Variants in PCDHA3 observed in about 807,000 individuals in gnomAD.
The protein encoded by PCDHA3 is protocadherin alpha 3, also known as protocadherin alpha-3.
A neutral mutation model predicts 62.2 loss-of-function variants in PCDHA3; 41 were observed. The observed-to-expected ratio is 0.66, with a 90% CI of 0.51 to 0.86. The LOEUF (loss-of-function observed/expected upper bound fraction) is 0.86, where lower values mean the gene tolerates loss of function less well. Among genes scored for constraint, PCDHA3 ranks in the 40% least tolerant of loss-of-function variants. PCDHA3 has a pLI of 0.00. For missense variants in PCDHA3, 1,304 were observed against 1,241.2 expected (o/e 1.05, Z -0.76); for synonymous variants, 640 against 555.4 (o/e 1.15, Z -2.14).
At chr5:141,004,679 TG>T in intron 3 of PCDHA3, among the ~76,000 whole-genome samples, 1 of 152,160 alleles carries the variant, frequency 6.6e-6, no homozygotes, top group South Asian at 2.1e-4. Context: ...GACTGTGGAG[TG>T]GTGCTGAAAC....
At chr5:140,807,859 C>T in intron 1 of PCDHA3, 1 of 1,614,158 alleles carries the variant, frequency 6.2e-7, no homozygotes, top group Non-Finnish European at 8.5e-7. Context: ...AGTTGACTGG[C>T]ACCGTTCAGT....
chr5:140,922,564 A>G (rs556829032), intron 1 of PCDHA3, among the ~76,000 whole-genome samples: 1 of 152,358 alleles, frequency 6.6e-6, no homozygotes, highest in South Asian at 2.1e-4. Context: ...AGTCAGGATG[A>G]CAAGTTGCCC....
rs782448071 is a variant in PCDHA3 at position 140,858,265 on chromosome 5, C to T, written c.2394+54674C>T. The T allele has an allele frequency of 4.1e-5, 66 of 1,597,068 alleles. 7 individuals carry two copies. Among genetic ancestry groups the T allele is most frequent in the Non-Finnish European group, 5.4e-5 (63 of 1,166,972 alleles). ...GGCCGGTGAAGCCCACGCTGGTGTG[C>T]TCTAGCGCGGTGGGGAGCTGGTCTT... On this transcript the variant is annotated intron_variant, in intron 1 of 3. Coordinates refer to ENST00000522353, the MANE Select transcript of PCDHA3 (RefSeq NM_018906.3).
chr5:140,903,642 A>G (rs1583499752), intron 1 of PCDHA3, among the ~76,000 whole-genome samples: 2 of 152,374 alleles, frequency 1.3e-5, no homozygotes, highest in East Asian at 3.8e-4. Context: ...CATATACCAT[A>G]TACATATATT....
At chr5:140,952,962 C>T (rs246032) in intron 1 of PCDHA3, among the ~76,000 whole-genome samples, 1 of 151,598 alleles carries the variant, frequency 6.6e-6, no homozygotes, top group Non-Finnish European at 1.5e-5. Context: ...GGAAGTGATA[C>T]ACACTTTTAA....
intron 1 of PCDHA3, among the ~76,000 whole-genome samples, chr5:140,941,773 T>G (rs2093165270): frequency 6.6e-6 from 1 of 152,262 alleles, no homozygotes; most frequent in South Asian, 2.1e-4. Context: ...GATAATTGTT[T>G]TAATGTTTTA....
At chr5:140,808,893 G>A (rs782804250) in intron 1 of PCDHA3, 6 of 1,613,408 alleles carry the variant, frequency 3.7e-6, no homozygotes, top group Non-Finnish European at 5.1e-6. Flanking sequence ...CTAGCGCCTC[G>A]GGCGGGTGGC....
chr5:140,970,834 T>C lies in PCDHA3; in HGVS notation c.2395-8115T>C, dbSNP rs566411727. 8.6e-5 allele frequency among the ~76,000 whole-genome samples: 13 copies of C among 151,290 alleles called. No homozygotes were observed. The South Asian group carries it at 1.2e-3, about 14-fold the overall frequency. ...AAGTTCATGGTAATCTTGAGGAATG[T>C]AATGCACAGGCACAAAAGTTCCATT... On this transcript the variant is annotated intron_variant, in intron 1 of 3. Transcript: ENST00000522353.
chr5:140,854,596 A>G (rs1426256620), intron 1 of PCDHA3: 1 of 150,040 alleles, frequency 6.7e-6, no homozygotes, highest in Non-Finnish European at 1.5e-5. Flanking sequence ...AAAAGTTTAA[A>G]GTAATTGACA....
In PCDHA3 at chr5:140,869,324, T is replaced by C. The variant is rs1581884799; in HGVS notation, c.2394+65733T>C. 1.9e-6 allele frequency: 3 copies of C among 1,613,876 alleles called. No individual in the cohort carries two copies. In the East Asian group the frequency reaches 6.7e-5, roughly 36 times the overall value. On this transcript the variant is annotated intron_variant, in intron 1 of 3. Coordinates refer to ENST00000522353, the MANE Select transcript of PCDHA3 (RefSeq NM_018906.3). Reference sequence around the variant, plus strand: ...GTGGCGTCCAAAACACATGGGGACCTTCTGGAGGTAAATCTGCAGAATGGC... The same window carrying C: ...GTGGCGTCCAAAACACATGGGGACCCTCTGGAGGTAAATCTGCAGAATGGC...
chr5:140,886,786 A>C (rs2061126610), intron 1 of PCDHA3, among the ~76,000 whole-genome samples: 1 of 150,390 alleles, frequency 6.6e-6, no homozygotes, highest in East Asian at 2.0e-4. Context: ...AGATCATGCT[A>C]CTGTACTCCA....
At chr5:140,842,679 C>A in intron 1 of PCDHA3, 1 of 1,595,330 alleles carries the variant, frequency 6.3e-7, no homozygotes, top group Non-Finnish European at 8.6e-7. Context: ...GACAATGCTC[C>A]GGCGTTCGCG....
intron 1 of PCDHA3, chr5:140,927,135 G>T: frequency 6.2e-7 from 1 of 1,614,062 alleles, no homozygotes; most frequent in Non-Finnish European, 8.5e-7. Flanking sequence ...GAGAGCCGGC[G>T]GACCGCGAAC....
intron 1 of PCDHA3, chr5:140,876,078 A>C (rs2056099570): frequency 6.2e-7 from 1 of 1,613,868 alleles, no homozygotes; most frequent in Non-Finnish European, 8.5e-7. Flanking sequence ...TATTGGACAG[A>C]GAGCAAACGC....
chr5:140,831,428 T>A (rs1771525057), intron 1 of PCDHA3, among the ~76,000 whole-genome samples: 1 of 151,652 alleles, frequency 6.6e-6, no homozygotes. Context: ...GGTGCAATAA[T>A]GGCTCACTGC....
intron 1 of PCDHA3, chr5:140,823,606 C>A: frequency 6.2e-7 from 1 of 1,614,048 alleles, no homozygotes; most frequent in Non-Finnish European, 8.5e-7. Context: ...GTATGAGCTG[C>A]AGCCAGCGCC....
chr5:140,927,946 G>A (rs1341193072), intron 1 of PCDHA3: 1 of 1,614,096 alleles, frequency 6.2e-7, no homozygotes, highest in East Asian at 2.2e-5. Context: ...AGTACCTGAG[G>A]ACGCTGCCCC....
rs1376333246 is a variant in PCDHA3, at chr5:140,803,291, G to GT, written c.2095dup (p.Tyr699LeufsTer75). On this transcript the variant is annotated frameshift_variant, in exon 1 of 4. Transcript: ENST00000522353. LOFTEE classifies it high-confidence loss of function. ...AAGCTGCACTGGTGGATGTCAACGTGTACTTGATCGTCGCCATCTGCGCGG... is the reference window on the plus strand; with the variant it reads ...AAGCTGCACTGGTGGATGTCAACGTGTTACTTGATCGTCGCCATCTGCGCGG... 1 of 1,613,990 alleles carries GT rather than the reference G, an allele frequency of 6.2e-7. No individual in the cohort carries two copies. Among genetic ancestry groups the GT allele is most frequent in the African/African-American group, 1.3e-5 (1 of 74,948 alleles).
In PCDHA3 at chr5:140,820,651, T is replaced by A. The variant is rs2150107466; in HGVS notation, c.2394+17060T>A. On this transcript the variant is annotated intron_variant, in intron 1 of 3. Coordinates refer to ENST00000522353, the MANE Select transcript of PCDHA3 (RefSeq NM_018906.3). ...AGTAAACAGTTGGGAGATTAAAAAG[T>A]AATTAAACTAATATAAAGATAGCCT... Among the ~76,000 whole-genome samples the A allele has an allele frequency of 2.6e-5, 4 of 152,146 alleles. No homozygotes were observed. In the East Asian group the frequency reaches 5.8e-4, roughly 22 times the overall value.
Sources: gnomAD v4.1 joint callset for allele counts (sites outside exome capture counted in the v4.1 genomes callset) on GRCh38, gnomAD v4.1.1 for gene constraint, MANE v1.5 for transcripts, NCBI Gene and HGNC (gene_info 2026-07-23, HGNC 2026-07-21) for gene names.